ADAMTSL1: variants seen among roughly 807,000 people sequenced by gnomAD.
ADAMTSL1 encodes the protein ADAMTS-like protein 1.
A neutral mutation model predicts 201.8 loss-of-function variants in ADAMTSL1; 126 were observed. The ratio of observed to expected loss-of-function variants is 0.62; its 90% confidence interval spans 0.54 to 0.72. The LOEUF is 0.72. ADAMTSL1 is among the 30% of genes least tolerant of loss of function. The probability of loss-of-function intolerance (pLI) is 0.00; values close to 1 mark genes in which losing one functional copy is unlikely to be tolerated. For synonymous variants in ADAMTSL1, 1,121 were observed against 903.4 expected (o/e 1.24, Z -4.32); for missense variants, 2,679 against 2,277.8 (o/e 1.18, Z -3.59).
At chr9:18,499,711 C>A (rs1055504696) in intron 1 of ADAMTSL1, among the ~76,000 whole-genome samples, 4 of 152,172 alleles carry the variant, frequency 2.6e-5, no homozygotes, top group African/African-American at 7.2e-5. Flanking sequence ...GGTTCAGGTA[C>A]CTTCTTGATG....
At chr9:18,581,241 G>A (rs1465315551) in intron 4 of ADAMTSL1, among the ~76,000 whole-genome samples, 3 of 152,068 alleles carry the variant, frequency 2.0e-5, no homozygotes, top group African/African-American at 7.2e-5. Context: ...CTGTGTCTGT[G>A]TCTTCACCTC....
chr9:18,021,423 G>A (rs1264417520), intron 1 of ADAMTSL1, among the ~76,000 whole-genome samples: 2 of 151,970 alleles, frequency 1.3e-5, no homozygotes, highest in African/African-American at 2.4e-5. Context: ...CTGTAATTTG[G>A]GGCTGTCTGG....
At chr9:18,470,668 T>A (rs1167250802), upstream of ADAMTSL1, among the ~76,000 whole-genome samples, 1 of 152,172 alleles carries the variant, frequency 6.6e-6, no homozygotes, top group Admixed American at 6.5e-5. Flanking sequence ...AGAGCAAGAC[T>A]TGTAACGAAT....
chr9:18,405,260 C>T (rs1456960014), intron 2 of ADAMTSL1, among the ~76,000 whole-genome samples: 2 of 152,154 alleles, frequency 1.3e-5, no homozygotes, highest in African/African-American at 4.8e-5. Flanking sequence ...ACCTTCTATT[C>T]AGTGTCACTC....
At chr9:18,522,885 G>C (rs1163165155) in intron 2 of ADAMTSL1, among the ~76,000 whole-genome samples, 1 of 152,058 alleles carries the variant, frequency 6.6e-6, no homozygotes, top group Non-Finnish European at 1.5e-5. Flanking sequence ...ATTGTGAATA[G>C]TGCCGCAATA....
At chr9:18,440,450 C>T (rs1024867448) in intron 2 of ADAMTSL1, among the ~76,000 whole-genome samples, 2 of 151,252 alleles carry the variant, frequency 1.3e-5, no homozygotes, top group African/African-American at 4.9e-5. Context: ...ACCCATCCTG[C>T]TCATTCAATA....
chr9:18,467,600 A>G (rs528313522), intron 2 of ADAMTSL1, among the ~76,000 whole-genome samples: 4 of 152,250 alleles, frequency 2.6e-5, no homozygotes, highest in East Asian at 3.8e-4. Context: ...TGCAGTTAGC[A>G]GAAGGCTTTG....
intron 2 of ADAMTSL1, among the ~76,000 whole-genome samples, chr9:18,386,351 G>A (rs1025393425): frequency 2.0e-5 from 3 of 152,170 alleles, no homozygotes; most frequent in Admixed American, 1.3e-4. Flanking sequence ...TCTCAACCAT[G>A]ATGGTTAGTG....
chr9:17,916,525 G>C (rs1187979346), intron 1 of ADAMTSL1, among the ~76,000 whole-genome samples: 2 of 152,002 alleles, frequency 1.3e-5, no homozygotes, highest in Non-Finnish European at 2.9e-5. Context: ...TTCGTTTTTT[G>C]GCCTATGGAT....
intron 1 of ADAMTSL1, among the ~76,000 whole-genome samples, chr9:18,478,667 T>G (rs1004691308): frequency 2.6e-5 from 4 of 152,176 alleles, no homozygotes; most frequent in Admixed American, 6.5e-5. Flanking sequence ...TATTCTACTG[T>G]TTCTGTGGTC....
At chr9:18,794,439 CA>C (rs1473307085) in intron 19 of ADAMTSL1, among the ~76,000 whole-genome samples, 1 of 150,640 alleles carries the variant, frequency 6.6e-6, no homozygotes, top group Non-Finnish European at 1.5e-5. Context: ...CAAAAAAAAA[CA>C]AACCTGAGTT....
intron 5 of ADAMTSL1, among the ~76,000 whole-genome samples, chr9:18,631,806 A>G (rs1014316621): frequency 3.3e-5 from 5 of 152,226 alleles, no homozygotes; most frequent in African/African-American, 1.2e-4. Flanking sequence ...TTGAGAAAAG[A>G]CATTTGCAAC....
At chr9:18,654,862 C>T (rs1828525344) in intron 7 of ADAMTSL1, among the ~76,000 whole-genome samples, 1 of 152,248 alleles carries the variant, frequency 6.6e-6, no homozygotes, top group South Asian at 2.1e-4. Flanking sequence ...AAAGTCATGA[C>T]ATCCCTGTCG....
chr9:18,116,803 T>C (rs1825270242), intron 1 of ADAMTSL1, among the ~76,000 whole-genome samples: 1 of 152,216 alleles, frequency 6.6e-6, no homozygotes, highest in Admixed American at 6.5e-5. Context: ...GCCATGTTGG[T>C]GTGCTGCACC....
chr9:18,596,033 C>T (rs1290524926), intron 4 of ADAMTSL1, among the ~76,000 whole-genome samples: 1 of 152,112 alleles, frequency 6.6e-6, no homozygotes, highest in African/African-American at 2.4e-5. Context: ...AGCAGGTTAC[C>T]TCCTATTCTG....
chr9:18,869,575 G>T (rs1297861204), intron 23 of ADAMTSL1, among the ~76,000 whole-genome samples: 2 of 152,196 alleles, frequency 1.3e-5, no homozygotes, highest in Non-Finnish European at 2.9e-5. Context: ...TTAAAGGAGG[G>T]TTTATCTAGA....
At chr9:18,768,808 G>GT (rs1820513946) in intron 16 of ADAMTSL1, among the ~76,000 whole-genome samples, 1 of 152,106 alleles carries the variant, frequency 6.6e-6, no homozygotes, top group Admixed American at 6.6e-5. Flanking sequence ...ACCACTGGTC[G>GT]TAACAGAGAC....
At chr9:18,614,517 G>A (rs1313776579) in intron 4 of ADAMTSL1, among the ~76,000 whole-genome samples, 1 of 152,148 alleles carries the variant, frequency 6.6e-6, no homozygotes, top group Non-Finnish European at 1.5e-5. Context: ...GAGAAGCTAT[G>A]TATCTAAAAA....
chr9:18,514,532 G>A (rs571344573), intron 2 of ADAMTSL1, among the ~76,000 whole-genome samples: 23 of 151,804 alleles, frequency 1.5e-4, no homozygotes, highest in Admixed American at 1.1e-3. Context: ...GGGTTTCACC[G>A]TGTTCACCAG....
Sources: gnomAD v4.1 joint callset for allele counts (sites outside exome capture counted in the v4.1 genomes callset) on GRCh38, gnomAD v4.1.1 for gene constraint, MANE v1.5 for transcripts, NCBI Gene and HGNC (gene_info 2026-07-23, HGNC 2026-07-21) for gene names.